RBFOX1: variants seen among roughly 807,000 people sequenced by gnomAD.
The protein encoded by RBFOX1 is RNA binding fox-1 homolog 1, also known as RNA binding protein fox-1 homolog 1.
A neutral mutation model predicts 57.7 loss-of-function variants in RBFOX1; 8 were observed. The observed-to-expected ratio is 0.14, with a 90% confidence interval of 0.08 to 0.25. RBFOX1 has a LOEUF of 0.25. Among genes scored for constraint, RBFOX1 ranks in the 10% least tolerant of loss-of-function variants. RBFOX1 has a pLI of 1.00. For synonymous variants in RBFOX1, 326 were observed against 222.4 expected, an observed-to-expected ratio of 1.47 and a Z score of -4.15; for missense variants, 611 against 548.5, an observed-to-expected ratio of 1.11 and a Z score of -1.14.
At chr16:7,649,267 T>A (rs1038805873) in intron 11 of RBFOX1, among the ~76,000 whole-genome samples, 4 of 152,338 alleles carry the variant, frequency 2.6e-5, no homozygotes, top group African/African-American at 9.6e-5. Flanking sequence ...GGGTTTGTGA[T>A]AAAGGATTAA....
intron 3 of RBFOX1, among the ~76,000 whole-genome samples, chr16:6,695,202 C>A (rs1019926294): frequency 6.6e-6 from 1 of 151,888 alleles, no homozygotes; most frequent in African/African-American, 2.4e-5. Flanking sequence ...GTTGGGTCGC[C>A]TGATGTCAGG....
chr16:7,326,172 G>A (rs2096609123), intron 4 of RBFOX1, among the ~76,000 whole-genome samples: 1 of 152,160 alleles, frequency 6.6e-6, no homozygotes, highest in South Asian at 2.1e-4. Context: ...CCCAGTCCTG[G>A]GTGAATGGCA....
At chr16:7,088,208 G>T (rs1042039289) in intron 4 of RBFOX1, among the ~76,000 whole-genome samples, 6 of 152,164 alleles carry the variant, frequency 3.9e-5, no homozygotes, top group Non-Finnish European at 8.8e-5. Context: ...TCAGAAAAAA[G>T]GTCTAGGGAA....
At chr16:6,861,194 G>C (rs1163362195) in intron 3 of RBFOX1, among the ~76,000 whole-genome samples, 1 of 152,170 alleles carries the variant, frequency 6.6e-6, no homozygotes, top group Non-Finnish European at 1.5e-5. Context: ...GAGTGCATCT[G>C]AACAGCTACA....
intron 4 of RBFOX1, among the ~76,000 whole-genome samples, chr16:7,245,962 G>A (rs942047679): frequency 6.6e-6 from 1 of 151,944 alleles, no homozygotes; most frequent in Admixed American, 6.5e-5. Flanking sequence ...GCCCATCCCT[G>A]AAAAAAAGTA....
chr16:5,578,575 A>T (rs996227019), intron 2 of RBFOX1, among the ~76,000 whole-genome samples: 1 of 152,174 alleles, frequency 6.6e-6, no homozygotes, highest in Admixed American at 6.5e-5. Context: ...TCCTGCAAAC[A>T]TTCCCACACA....
intron 4 of RBFOX1, among the ~76,000 whole-genome samples, chr16:7,101,424 GT>G (rs1272038713): frequency 6.6e-6 from 1 of 152,204 alleles, no homozygotes; most frequent in Non-Finnish European, 1.5e-5. Flanking sequence ...CTTGGTAATA[GT>G]GGTTACATAA....
At chr16:6,506,771 C>A (rs367988198) in intron 2 of RBFOX1, among the ~76,000 whole-genome samples, 1 of 151,416 alleles carries the variant, frequency 6.6e-6, no homozygotes, top group East Asian at 2.0e-4. Flanking sequence ...CTTACCCTCC[C>A]AAGAAGCTGG....
intron 3 of RBFOX1, among the ~76,000 whole-genome samples, chr16:6,876,207 A>ACAAAAAG (rs1160836533): frequency 6.6e-6 from 1 of 152,004 alleles, no homozygotes; most frequent in Non-Finnish European, 1.5e-5. Flanking sequence ...GCAAAGCAAA[A>ACAAAAAG]CAAAAAGCAT....
intron 1 of RBFOX1, among the ~76,000 whole-genome samples, chr16:6,122,792 ATGTGTGTGTATGTGTG>A (rs1567508760): frequency 9.8e-6 from 1 of 101,524 alleles, no homozygotes. Context: ...CTGTGTGGCT[ATGTGTGTGTATGTGTG>A]TGTGTGTGTG....
intron 3 of RBFOX1, among the ~76,000 whole-genome samples, chr16:6,967,762 G>C (rs13335911): frequency 0.036 from 5,444 of 152,108 alleles, 310 homozygotes; most frequent in African/African-American, 0.12. Context: ...TGCAGCTGTG[G>C]GACCCTGGGG....
chr16:7,091,397 A>G (rs2060830054), intron 4 of RBFOX1, among the ~76,000 whole-genome samples: 1 of 151,942 alleles, frequency 6.6e-6, no homozygotes, highest in African/African-American at 2.4e-5. Flanking sequence ...TTTTATACAA[A>G]CATACCTGGG....
chr16:7,467,274 C>G (rs1752347455), intron 4 of RBFOX1, among the ~76,000 whole-genome samples: 2 of 152,260 alleles, frequency 1.3e-5, no homozygotes, highest in African/African-American at 2.4e-5. Flanking sequence ...GGAACAAGTG[C>G]TAAAGACAGA....
chr16:5,619,659 G>A (rs181151122), intron 3 of RBFOX1, among the ~76,000 whole-genome samples: 1 of 152,264 alleles, frequency 6.6e-6, no homozygotes, highest in African/African-American at 2.4e-5. Flanking sequence ...CAAAGAGGGG[G>A]GCCTGCATCT....
At chr16:5,780,070 C>G (rs1277151485) in intron 3 of RBFOX1, among the ~76,000 whole-genome samples, 5 of 152,224 alleles carry the variant, frequency 3.3e-5, no homozygotes, top group African/African-American at 1.2e-4. Context: ...GTGGCACAAT[C>G]TCGGCTCACT....
chr16:5,999,282 T>C (rs1211135271), intron 4 of RBFOX1, among the ~76,000 whole-genome samples: 2 of 152,126 alleles, frequency 1.3e-5, no homozygotes, highest in East Asian at 3.9e-4. Context: ...TGCCTAGAAT[T>C]CCCCCTCATG....
chr16:7,332,979 G>T (rs766575628), intron 4 of RBFOX1: 1 of 1,613,140 alleles, frequency 6.2e-7, no homozygotes, highest in South Asian at 1.1e-5. Flanking sequence ...AGCTTCAGAG[G>T]GAATAATAAC....
chr16:7,216,581 C>T (rs141320838), intron 4 of RBFOX1, among the ~76,000 whole-genome samples: 3 of 151,884 alleles, frequency 2.0e-5, no homozygotes, highest in African/African-American at 7.3e-5. Context: ...TTGCTTGAAC[C>T]TGGGAGGTAG....
At chr16:6,808,348 C>G (rs2087483016) in intron 3 of RBFOX1, among the ~76,000 whole-genome samples, 1 of 152,016 alleles carries the variant, frequency 6.6e-6, no homozygotes, top group Non-Finnish European at 1.5e-5. Context: ...GCCTACTTCA[C>G]TGAAGCACCC....
Sources: gnomAD v4.1 joint callset for allele counts (sites outside exome capture counted in the v4.1 genomes callset) on GRCh38, gnomAD v4.1.1 for gene constraint, MANE v1.5 for transcripts, NCBI Gene and HGNC (gene_info 2026-07-23, HGNC 2026-07-21) for gene names.